MED12L: variants seen among roughly 807,000 people sequenced by gnomAD.
The protein encoded by MED12L is mediator of RNA polymerase II transcription subunit 12-like protein.
In MED12L, 60 loss-of-function variants were observed where a neutral mutation model predicts 281.3. The observed-to-expected ratio is 0.21, with a 90% confidence interval of 0.17 to 0.26. MED12L has a LOEUF of 0.26. Among genes scored for constraint, MED12L ranks in the 10% least tolerant of loss-of-function variants. The pLI, the probability that MED12L is intolerant of heterozygous loss-of-function variation, is 1.00. For synonymous variants in MED12L, 974 were observed against 987.2 expected, an observed-to-expected ratio of 0.99 and a Z score of 0.25; for missense variants, 2,146 against 2,680.9, an observed-to-expected ratio of 0.80 and a Z score of 4.41.
At chr3:151,205,674 C>T (rs1267305257) in intron 16 of MED12L, among the ~76,000 whole-genome samples, 1 of 152,114 alleles carries the variant, frequency 6.6e-6, no homozygotes, top group Non-Finnish European at 1.5e-5. Flanking sequence ...CTGCCTCTTA[C>T]AGATGGGGAA....
Position 151,163,987 on chromosome 3 carries a change from A to T in MED12L, c.1202A>T (p.Gln401Leu). The T allele has an allele frequency of 6.2e-7, 1 of 1,613,764 alleles. No homozygotes were observed. The highest frequency in any genetic ancestry group is 8.5e-7 in the Non-Finnish European group (1 of 1,179,764). ...ANPGSPLDLL[Q>L]VAPSSLPMPG... ...CCAGGCTCACCCCTGGATCTGCTGC[A>T]GGTGGCCCCGTCCAGCCTCCCCATG... Residue 401 changes from glutamine to leucine, a missense_variant, in exon 9 of 45, where the codon CAG becomes CTG. Around this residue, in one of 9 missense-constraint regions of MED12L, gnomAD observed 722 missense variants for 861.2 expected, o/e 0.84. Coordinates refer to ENST00000687756, the MANE Select transcript of MED12L (RefSeq NM_001393769.1).
At chr3:151,376,664 ACCTTTTGAC>A in intron 28 of MED12L, 127 bp from the exon 29 acceptor site, 1 of 704,984 alleles carries the variant, frequency 1.4e-6, no homozygotes, top group Non-Finnish European at 2.4e-6. Context: ...AAGATTGGGA[ACCTTTTGAC>A]TCATATAAAT....
chr3:151,097,165 C>A (rs528354730), intron 2 of MED12L, among the ~76,000 whole-genome samples: 7 of 152,242 alleles, frequency 4.6e-5, no homozygotes, highest in African/African-American at 1.7e-4. Context: ...GGTTGAGATA[C>A]CCCCTTATTT....
chr3:151,098,085 G>A (rs1445751337), intron 2 of MED12L, among the ~76,000 whole-genome samples: 1 of 152,226 alleles, frequency 6.6e-6, no homozygotes, highest in East Asian at 1.9e-4. Flanking sequence ...GCCGCATGGT[G>A]CGGGGCATCC....
chr3:151,414,322 T>C (rs1216186191), intron 42 of MED12L, among the ~76,000 whole-genome samples: 1 of 152,228 alleles, frequency 6.6e-6, no homozygotes, highest in Non-Finnish European at 1.5e-5. Flanking sequence ...CAACTTGAGA[T>C]ACACACTTAC....
At chr3:151,315,334 C>G (rs1577313077) in intron 16 of MED12L, among the ~76,000 whole-genome samples, 1 of 152,196 alleles carries the variant, frequency 6.6e-6, no homozygotes, top group Non-Finnish European at 1.5e-5. Flanking sequence ...TAAGAACATT[C>G]CTTTTAACTT....
intron 16 of MED12L, among the ~76,000 whole-genome samples, chr3:151,231,850 G>A (rs1731736795): frequency 6.6e-6 from 1 of 152,194 alleles, no homozygotes; most frequent in African/African-American, 2.4e-5. Context: ...GAAGTATTTA[G>A]AAGGGAAGGG....
intron 40 of MED12L, among the ~76,000 whole-genome samples, chr3:151,410,565 A>G (rs1027829934): frequency 3.9e-5 from 6 of 152,224 alleles, no homozygotes; most frequent in Non-Finnish European, 2.9e-5. Context: ...TAGTGATCCA[A>G]CAGAACTTCA....
At chr3:151,176,529 C>G (rs1242776108) in intron 11 of MED12L, among the ~76,000 whole-genome samples, 2 of 148,570 alleles carry the variant, frequency 1.3e-5, no homozygotes, top group Non-Finnish European at 1.5e-5. Flanking sequence ...TCTTTTACTG[C>G]TTAATATTGT....
chr3:151,290,634 GTTTT>G (rs63049361), intron 16 of MED12L, among the ~76,000 whole-genome samples: 64,608 of 149,216 alleles, frequency 0.43, 14,189 homozygotes, highest in Middle Eastern at 0.62. Context: ...TTACAGCCTT[GTTTT>G]TTTTTTTTTT....
chr3:151,420,792 G>T (rs1249337014), intron 43 of MED12L, among the ~76,000 whole-genome samples: 1 of 152,176 alleles, frequency 6.6e-6, no homozygotes, highest in Non-Finnish European at 1.5e-5. Context: ...TTGGTCAGAG[G>T]CAGTGCTGTG....
chr3:151,195,061 G>A (rs1724471351), intron 16 of MED12L, among the ~76,000 whole-genome samples: 2 of 152,166 alleles, frequency 1.3e-5, no homozygotes, highest in South Asian at 4.1e-4. Flanking sequence ...TTCTCAGGAG[G>A]CTGAGGCAGG....
At chr3:151,270,484 G>C (rs143827149) in intron 16 of MED12L, among the ~76,000 whole-genome samples, 245 of 152,208 alleles carry the variant, frequency 1.6e-3, no homozygotes, top group African/African-American at 5.6e-3. Context: ...TTTGCATGGT[G>C]CTAAGCCCCT....
chr3:151,127,716 C>A, intron 4 of MED12L, 109 bp from the exon 5 acceptor site: 5 of 739,324 alleles, frequency 6.8e-6, no homozygotes, highest in East Asian at 2.8e-5. Context: ...TTTCTTAGGG[C>A]CAGCAGGTAA....
intron 16 of MED12L, among the ~76,000 whole-genome samples, chr3:151,209,178 C>T (rs1726787340): frequency 6.6e-6 from 1 of 152,152 alleles, no homozygotes; most frequent in African/African-American, 2.4e-5. Flanking sequence ...ATTTTTATAA[C>T]ACCCCTTTCT....
chr3:151,218,387 G>T (rs1005845904), intron 16 of MED12L, among the ~76,000 whole-genome samples: 2 of 152,172 alleles, frequency 1.3e-5, no homozygotes, highest in African/African-American at 2.4e-5. Flanking sequence ...AGTCTGGTGA[G>T]CCAGTTTGTG....
At chr3:151,317,368 A>G (rs1484550037) in intron 16 of MED12L, among the ~76,000 whole-genome samples, 1 of 151,456 alleles carries the variant, frequency 6.6e-6, no homozygotes, top group Non-Finnish European at 1.5e-5. Context: ...CTGACCTTTA[A>G]CATAAAACAA....
intron 11 of MED12L, among the ~76,000 whole-genome samples, chr3:151,176,043 G>A (rs1057287016): frequency 3.3e-5 from 5 of 152,180 alleles, no homozygotes; most frequent in African/African-American, 1.2e-4. Flanking sequence ...TATAATACAG[G>A]AGTACATTCT....
At chr3:151,308,855 C>T (rs1747060163) in intron 16 of MED12L, among the ~76,000 whole-genome samples, 1 of 152,068 alleles carries the variant, frequency 6.6e-6, no homozygotes, top group African/African-American at 2.4e-5. Flanking sequence ...ACAGCTTAAC[C>T]AAACCTTAAT....
Sources: allele counts gnomAD v4.1 joint callset (sites outside exome capture counted in the v4.1 genomes callset), GRCh38; gene constraint gnomAD v4.1.1; regional missense constraint gnomAD v4.1.1; transcripts MANE v1.5; gene names NCBI Gene and HGNC (gene_info 2026-07-23, HGNC 2026-07-21).